Variants in ODAD2 observed in about 807,000 individuals in gnomAD.
The protein encoded by ODAD2 is outer dynein arm docking complex subunit 2.
ODAD2 carries 89 observed loss-of-function variants against 106.8 expected under a neutral mutation model. The observed-to-expected ratio is 0.83, with a 90% confidence interval of 0.70 to 0.99. The LOEUF (loss-of-function observed/expected upper bound fraction) is 0.99, where lower values mean the gene tolerates loss of function less well. Ranked by LOEUF, ODAD2 falls within the 50% of genes least tolerant of loss-of-function variation. The pLI, the probability that ODAD2 is intolerant of heterozygous loss-of-function variation, is 0.00. For synonymous variants in ODAD2, 404 were observed against 436.2 expected (o/e 0.93, Z 0.92); for missense variants, 1,168 against 1,238.5 (o/e 0.94, Z 0.85).
At position 27,935,018 on chromosome 10, in the gene ODAD2, T is replaced by G. The variant is rs1845864491; in HGVS notation, c.2487A>C (p.Glu829Asp). The change falls in exon 16 of 20, where the codon GAA becomes GAC. Residue 829 changes from glutamate to aspartate, a missense_variant. Glu to Asp is a conservative substitution (Grantham distance 45, BLOSUM62 2). Coordinates refer to ENST00000305242, the MANE Select transcript of ODAD2 (RefSeq NM_018076.5). ...TCTCCAGGGCCACTTACATCATACT[T>G]TCAGGTTCTACTGCACAAGCACCAA... ...KAVGACAVEP[E>D]SMMIIDRLDG... is the part of the protein sequence containing the mutation. 14 of 1,613,936 alleles carry G rather than the reference T, an allele frequency of 8.7e-6. No individual in the cohort carries two copies. Among genetic ancestry groups the G allele is most frequent in the Non-Finnish European group, 1.2e-5 (14 of 1,179,816 alleles).
chr10:27,986,675 A>C (rs1849891437), intron 3 of ODAD2, among the ~76,000 whole-genome samples: 3 of 152,228 alleles, frequency 2.0e-5, no homozygotes, highest in Admixed American at 1.3e-4. Context: ...TAATTCCAAT[A>C]AAGCAGGACG....
intron 2 of ODAD2, among the ~76,000 whole-genome samples, chr10:27,988,099 T>C (rs1014121287): frequency 2.0e-5 from 3 of 151,464 alleles, no homozygotes; most frequent in Non-Finnish European, 4.4e-5. Context: ...CTTGGGATAA[T>C]AGGCAGTTTT....
chr10:27,870,447 T>C (rs980973223), intron 17 of ODAD2, among the ~76,000 whole-genome samples: 41 of 152,142 alleles, frequency 2.7e-4, no homozygotes, highest in Non-Finnish European at 4.6e-4. Context: ...GTTGGTGTGC[T>C]GCACCCATTA....
intron 18 of ODAD2, among the ~76,000 whole-genome samples, chr10:27,861,279 A>C (rs1182821729): frequency 6.6e-6 from 1 of 152,226 alleles, no homozygotes; most frequent in Non-Finnish European, 1.5e-5. Flanking sequence ...GGCGTGAGCC[A>C]CTGCACCCAG....
At chr10:27,936,950 C>T (rs1223477505) in intron 14 of ODAD2, 70 bp from the exon 15 acceptor site, 1 of 1,496,142 alleles carries the variant, frequency 6.7e-7, no homozygotes, top group Non-Finnish European at 9.0e-7. Flanking sequence ...GCTAAAAAGG[C>T]TGCCATTCTA....
At chr10:27,857,567 A>C (rs1839747731) in intron 19 of ODAD2, among the ~76,000 whole-genome samples, 1 of 152,226 alleles carries the variant, frequency 6.6e-6, no homozygotes, top group Admixed American at 6.5e-5. Context: ...AATATTACAT[A>C]CATGGCTTAT....
intron 16 of ODAD2, among the ~76,000 whole-genome samples, chr10:27,915,819 T>G (rs534523480): frequency 1.3e-5 from 2 of 152,080 alleles, no homozygotes; most frequent in African/African-American, 2.4e-5. Context: ...CAGAACAAAG[T>G]AGTCATCCAT....
chr10:27,919,576 A>G (rs893427326), intron 16 of ODAD2, among the ~76,000 whole-genome samples: 4 of 152,170 alleles, frequency 2.6e-5, no homozygotes, highest in African/African-American at 9.6e-5. Flanking sequence ...ATTAGTTATC[A>G]GAAAAATGAA....
At chr10:27,891,683 CTT>C (rs940395056) in intron 17 of ODAD2, among the ~76,000 whole-genome samples, 140 of 151,904 alleles carry the variant, frequency 9.2e-4, no homozygotes, top group African/African-American at 3.2e-3. Flanking sequence ...TTAATAAAAA[CTT>C]TTAAAAACTC....
chr10:27,896,044 A>G (rs1382989265), intron 17 of ODAD2, among the ~76,000 whole-genome samples: 2 of 152,214 alleles, frequency 1.3e-5, no homozygotes, highest in Non-Finnish European at 2.9e-5. Flanking sequence ...TCAAGCGTTC[A>G]CTAGACAAGT....
intron 16 of ODAD2, among the ~76,000 whole-genome samples, chr10:27,911,493 TAAAC>T (rs1844011827): frequency 6.6e-6 from 1 of 152,164 alleles, no homozygotes; most frequent in African/African-American, 2.4e-5. Flanking sequence ...GTGAGGGTGA[TAAAC>T]AGACCATTAT....
At chr10:27,823,906 C>T (rs985345505) in intron 19 of ODAD2, among the ~76,000 whole-genome samples, 3 of 144,968 alleles carry the variant, frequency 2.1e-5, no homozygotes, top group Non-Finnish European at 4.4e-5. Context: ...TTTGGGAGGC[C>T]GAGGCGGGCG....
At chr10:27,852,608 T>C (rs1240520612) in intron 19 of ODAD2, among the ~76,000 whole-genome samples, 1 of 151,696 alleles carries the variant, frequency 6.6e-6, no homozygotes, top group Non-Finnish European at 1.5e-5. Context: ...TAGAAAAAGA[T>C]GAGTAAAGAG....
chr10:27,839,101 A>G (rs1838120057), intron 19 of ODAD2, among the ~76,000 whole-genome samples: 1 of 152,200 alleles, frequency 6.6e-6, no homozygotes, highest in South Asian at 2.1e-4. Context: ...GAAAAACTGT[A>G]ACGTAGTCCA....
At chr10:27,927,905 C>T (rs1845363957) in intron 16 of ODAD2, among the ~76,000 whole-genome samples, 1 of 152,080 alleles carries the variant, frequency 6.6e-6, no homozygotes, top group South Asian at 2.1e-4. Flanking sequence ...TTACATATAT[C>T]CATGACATAA....
intron 16 of ODAD2, among the ~76,000 whole-genome samples, chr10:27,913,231 G>A (rs1844132214): frequency 6.6e-6 from 1 of 152,044 alleles, no homozygotes. Context: ...TTGTTACCCA[G>A]ATAATAAGCA....
intron 19 of ODAD2, among the ~76,000 whole-genome samples, chr10:27,818,002 G>T (rs1479465955): frequency 1.3e-5 from 2 of 151,592 alleles, no homozygotes; most frequent in Non-Finnish European, 2.9e-5. Context: ...CCTCCTCGTA[G>T]CCCACATCCA....
chr10:27,869,532 T>C (rs1372324374), intron 17 of ODAD2, among the ~76,000 whole-genome samples: 2 of 118,576 alleles, frequency 1.7e-5, no homozygotes, highest in Non-Finnish European at 3.7e-5. Flanking sequence ...TTTTTCTTTT[T>C]TCTTTTTCTT....
chr10:27,941,102 C>T (rs986315360), intron 12 of ODAD2, among the ~76,000 whole-genome samples: 4 of 152,078 alleles, frequency 2.6e-5, no homozygotes, highest in Non-Finnish European at 5.9e-5. Flanking sequence ...TTGTAAACCA[C>T]ATCCTCAGCC....
Sources: allele counts gnomAD v4.1 joint callset (sites outside exome capture counted in the v4.1 genomes callset), GRCh38; gene constraint gnomAD v4.1.1; transcripts MANE v1.5; gene names NCBI Gene and HGNC (gene_info 2026-07-23, HGNC 2026-07-21).